Variants in NCK2 observed in about 807,000 individuals in gnomAD.
NCK2 encodes cytoplasmic protein NCK2.
In NCK2, 16 loss-of-function variants were observed where a neutral mutation model predicts 33.9. The observed-to-expected ratio is 0.47, with a 90% confidence interval of 0.32 to 0.72. The LOEUF is 0.72. Among genes scored for constraint, NCK2 ranks in the 30% least tolerant of loss-of-function variants. The pLI is 0.03. For missense variants in NCK2, 418 were observed against 537.3 expected (o/e 0.78, Z 2.19); for synonymous variants, 273 against 239.9 (o/e 1.14, Z -1.27).
intron 1 of NCK2, among the ~76,000 whole-genome samples, chr2:105,800,648 CTGTT>C (rs756952374): frequency 6.6e-6 from 1 of 152,148 alleles, no homozygotes; most frequent in Non-Finnish European, 1.5e-5. Flanking sequence ...TGTTTTTGGT[CTGTT>C]TGAGATAAAT....
At chr2:105,879,272 C>T (rs1352621504) in intron 3 of NCK2, among the ~76,000 whole-genome samples, 2 of 152,230 alleles carry the variant, frequency 1.3e-5, no homozygotes, top group African/African-American at 2.4e-5. Flanking sequence ...CCTCACGCCC[C>T]GGCTTGCTAG....
intron 1 of NCK2, among the ~76,000 whole-genome samples, chr2:105,812,616 C>T (rs547516382): frequency 2.6e-5 from 4 of 152,276 alleles, no homozygotes; most frequent in Admixed American, 2.6e-4. Context: ...CATTTGAGAG[C>T]TCTGAGGCCT....
intron 1 of NCK2, among the ~76,000 whole-genome samples, chr2:105,789,330 A>G (rs534685156): frequency 1.3e-5 from 2 of 152,128 alleles, no homozygotes; most frequent in Admixed American, 6.5e-5. Flanking sequence ...TGGGATTACA[A>G]GTGTGCACCA....
At chr2:105,891,419 T>C (rs1054040664) in intron 4 of NCK2, among the ~76,000 whole-genome samples, 1 of 152,102 alleles carries the variant, frequency 6.6e-6, no homozygotes, top group Non-Finnish European at 1.5e-5. Flanking sequence ...TGTTAGTAAC[T>C]AATTGTTATT....
chr2:105,780,132 G>C (rs1308516227), intron 1 of NCK2, among the ~76,000 whole-genome samples: 1 of 151,982 alleles, frequency 6.6e-6, no homozygotes, highest in Non-Finnish European at 1.5e-5. Context: ...TATTTCCTTT[G>C]TTTTAAAATT....
chr2:105,866,511 G>C (rs1198693660), intron 3 of NCK2, among the ~76,000 whole-genome samples: 1 of 152,166 alleles, frequency 6.6e-6, no homozygotes, highest in African/African-American at 2.4e-5. Flanking sequence ...GATGGTTTCG[G>C]GATGAAACTG....
intron 1 of NCK2, among the ~76,000 whole-genome samples, chr2:105,759,220 G>A (rs921529816): frequency 6.6e-6 from 1 of 152,186 alleles, no homozygotes; most frequent in Admixed American, 6.5e-5. Flanking sequence ...AAGGGAGCAA[G>A]ATTTTTTGTT....
chr2:105,886,889 T>C lies in NCK2; in HGVS notation c.948+4840T>C, dbSNP rs561099402. Among the ~76,000 whole-genome samples, 3 of 152,342 alleles carry C rather than the reference T, an allele frequency of 2.0e-5. No homozygotes were observed. The East Asian group carries it at 5.8e-4, about 29-fold the overall frequency. On this transcript the variant is annotated intron_variant, in intron 4 of 4. Coordinates refer to ENST00000233154, the MANE Select transcript of NCK2 (RefSeq NM_003581.5). ...GCTGCTCTGTAGTTGATGATTGACTTTTCATTTATGTAAATAAGATTACTT... is the reference window on the plus strand; with the variant it reads ...GCTGCTCTGTAGTTGATGATTGACTCTTCATTTATGTAAATAAGATTACTT...
intron 2 of NCK2, among the ~76,000 whole-genome samples, chr2:105,848,071 C>T (rs1470521499): frequency 6.6e-6 from 1 of 152,196 alleles, no homozygotes; most frequent in Non-Finnish European, 1.5e-5. Flanking sequence ...CCCCGTGAAC[C>T]TTATGTTCAA....
At position 105,893,139 on chromosome 2, in the gene NCK2, A is replaced by T. The variant is rs763085878; in HGVS notation, c.1106A>T (p.His369Leu). ...AAGGCGCCCATCTTCACCAGCGAGC[A>T]CGGGGAGAAGCTCTACCTCGTCAGG... ...YKKAPIFTSE[H>L]GEKLYLVRAL... Residue 369 changes from histidine to leucine, a missense_variant, in exon 5 of 5, where the codon CAC becomes CTC. Coordinates refer to ENST00000233154, the MANE Select transcript of NCK2 (RefSeq NM_003581.5). 1 of 1,610,908 alleles carries T rather than the reference A, an allele frequency of 6.2e-7. No homozygotes were observed. Among genetic ancestry groups the T allele is most frequent in the African/African-American group, 1.3e-5 (1 of 74,862 alleles).
At chr2:105,837,359 T>C (rs1676471362) in intron 2 of NCK2, among the ~76,000 whole-genome samples, 1 of 152,222 alleles carries the variant, frequency 6.6e-6, no homozygotes, top group Admixed American at 6.5e-5. Flanking sequence ...TGGATCTATG[T>C]AGTATGCAGT....
chr2:105,760,034 A>G (rs1288513489), intron 1 of NCK2, among the ~76,000 whole-genome samples: 1 of 152,114 alleles, frequency 6.6e-6, no homozygotes, highest in East Asian at 1.9e-4. Context: ...AAGTGACTCC[A>G]CTGTCAAGTG....
intron 2 of NCK2, among the ~76,000 whole-genome samples, chr2:105,849,804 G>C (rs990862829): frequency 6.6e-6 from 1 of 152,210 alleles, no homozygotes; most frequent in Non-Finnish European, 1.5e-5. Context: ...ATGAAGCAGA[G>C]ATGGGTAGAA....
intron 1 of NCK2, among the ~76,000 whole-genome samples, chr2:105,762,023 G>A (rs544706392): frequency 1.3e-5 from 2 of 152,206 alleles, no homozygotes; most frequent in Admixed American, 1.3e-4. Context: ...AAGTTTTTGC[G>A]TTGACTACAG....
At position 105,794,389 on chromosome 2, in the gene NCK2, C is replaced by A. The variant is rs184639601; in HGVS notation, c.-200-22041C>A. Among the ~76,000 whole-genome samples the A allele has an allele frequency of 1.0e-3, 154 of 152,152 alleles. 1 individual carries two copies. Among genetic ancestry groups the A allele is most frequent in the Admixed American group, 5.4e-3 (82 of 15,292 alleles). On this transcript the variant is annotated intron_variant, in intron 1 of 4. Coordinates refer to ENST00000233154, the MANE Select transcript of NCK2 (RefSeq NM_003581.5). ...TTTATATTTCCTTTATGCTGAAAAT[C>A]TTTGTCCCTAGGATCGTTTACGTAA...
intron 1 of NCK2, among the ~76,000 whole-genome samples, chr2:105,791,115 G>C (rs1162564603): frequency 2.0e-5 from 3 of 152,156 alleles, no homozygotes; most frequent in Non-Finnish European, 4.4e-5. Flanking sequence ...CCACTTGGAA[G>C]CCCCTGCGGC....
chr2:105,778,251 C>T (rs1335756485), intron 1 of NCK2, among the ~76,000 whole-genome samples: 1 of 152,210 alleles, frequency 6.6e-6, no homozygotes, highest in Non-Finnish European at 1.5e-5. Context: ...ACTGGCCGTC[C>T]CTATCCCAGC....
chr2:105,823,118 A>G (rs959589832), intron 2 of NCK2, among the ~76,000 whole-genome samples: 9 of 148,486 alleles, frequency 6.1e-5, no homozygotes, highest in South Asian at 2.1e-4. Flanking sequence ...AGAAAAACAA[A>G]AAGTCCTCTC....
At chr2:105,876,557 G>T (rs895184477) in intron 3 of NCK2, among the ~76,000 whole-genome samples, 1 of 152,212 alleles carries the variant, frequency 6.6e-6, no homozygotes, top group Non-Finnish European at 1.5e-5. Flanking sequence ...CCATGTTCTG[G>T]TTGGCTATGG....
Sources: allele counts gnomAD v4.1 joint callset (sites outside exome capture counted in the v4.1 genomes callset), GRCh38; gene constraint gnomAD v4.1.1; transcripts MANE v1.5; gene names NCBI Gene and HGNC (gene_info 2026-07-23, HGNC 2026-07-21).